The following SHANK2 variants were observed in gnomAD, a reference collection of about 807,000 sequenced individuals.
The protein encoded by SHANK2 is SH3 and multiple ankyrin repeat domains 2, also known as SH3 and multiple ankyrin repeat domains protein 2.
A neutral mutation model predicts 133.7 loss-of-function variants in SHANK2; 43 were observed. The ratio of observed to expected loss-of-function variants is 0.32; its 90% CI spans 0.25 to 0.41. SHANK2 has a LOEUF of 0.41. Ranked by LOEUF, SHANK2 falls within the 10% of genes least tolerant of loss-of-function variation. SHANK2 has a pLI of 1.00. For missense variants in SHANK2, 1,994 were observed against 2,235.8 expected, an observed-to-expected ratio of 0.89 and a Z score of 2.18; for synonymous variants, 1,017 against 952.8, an observed-to-expected ratio of 1.07 and a Z score of -1.24.
chr11:71,151,192 A>G (rs1437983333), intron 2 of SHANK2, among the ~76,000 whole-genome samples: 1 of 151,968 alleles, frequency 6.6e-6, no homozygotes, highest in Non-Finnish European at 1.5e-5. Context: ...AGAATTGTGG[A>G]CCCTGTGCTA....
intron 12 of SHANK2, among the ~76,000 whole-genome samples, chr11:70,819,488 C>A (rs1297607398): frequency 6.6e-6 from 1 of 152,214 alleles, no homozygotes; most frequent in African/African-American, 2.4e-5. Context: ...ACTGAAAATT[C>A]TGGGAGGTGG....
At chr11:71,221,765 G>A (rs554349164) in intron 2 of SHANK2, among the ~76,000 whole-genome samples, 1 of 152,270 alleles carries the variant, frequency 6.6e-6, no homozygotes, top group African/African-American at 2.4e-5. Context: ...AGCAGCAAGG[G>A]GAGGTGATCG....
intron 2 of SHANK2, among the ~76,000 whole-genome samples, chr11:71,182,952 G>T (rs373382406): frequency 5.9e-5 from 9 of 152,134 alleles, no homozygotes; most frequent in Admixed American, 3.3e-4. Context: ...AAACCAGCAC[G>T]AAAACCCTGA....
chr11:70,579,842 G>A (rs2060161495), intron 17 of SHANK2, among the ~76,000 whole-genome samples: 1 of 152,252 alleles, frequency 6.6e-6, no homozygotes, highest in South Asian at 2.1e-4. Flanking sequence ...GAGGAGCAGA[G>A]CTGGAGAGGT....
intron 14 of SHANK2, among the ~76,000 whole-genome samples, chr11:70,795,625 C>T (rs753066293): frequency 3.9e-5 from 6 of 152,082 alleles, no homozygotes; most frequent in Admixed American, 6.6e-5. Flanking sequence ...AGGCTGGTCT[C>T]GAACTCCTAA....
At chr11:71,081,866 G>T (rs1951305491) in intron 8 of SHANK2, among the ~76,000 whole-genome samples, 1 of 152,222 alleles carries the variant, frequency 6.6e-6, no homozygotes, top group Non-Finnish European at 1.5e-5. Context: ...CAGACCCTGA[G>T]CCCCAGGTCC....
chr11:70,610,763 C>T (rs1257804212), intron 17 of SHANK2, among the ~76,000 whole-genome samples: 2 of 152,214 alleles, frequency 1.3e-5, no homozygotes, highest in Admixed American at 6.5e-5. Flanking sequence ...AACCAGGCAC[C>T]CCTGCCGGCC....
rs191916330 is a variant in SHANK2 at position 70,937,882 on chromosome 11, A to G, written c.1108-41315T>C. On this transcript the variant is annotated intron_variant, in intron 10 of 25. Coordinates refer to ENST00000601538, the MANE Select transcript of SHANK2 (RefSeq NM_012309.5). ...CCTAGTGCAGGGTGTGTGACCTCTC[A>G]GAAGCCAGAGGGCCTTTGGGGCCTC... Among the ~76,000 whole-genome samples the G allele has an allele frequency of 2.1e-4, 32 of 152,266 alleles. No homozygotes were observed. In the East Asian group the frequency reaches 5.6e-3, roughly 27 times the overall value.
At chr11:70,714,851 G>C (rs1945873995) in intron 14 of SHANK2, among the ~76,000 whole-genome samples, 1 of 152,010 alleles carries the variant, frequency 6.6e-6, no homozygotes, top group South Asian at 2.1e-4. Context: ...TATTGCCCAG[G>C]CTGGAGTACA....
At chr11:71,223,394 C>T (rs1565525500) in intron 2 of SHANK2, among the ~76,000 whole-genome samples, 1 of 152,184 alleles carries the variant, frequency 6.6e-6, no homozygotes, top group Non-Finnish European at 1.5e-5. Context: ...CAACCATGCG[C>T]ACATTGGAAA....
chr11:71,057,459 G>T (rs1950934054), intron 9 of SHANK2, among the ~76,000 whole-genome samples: 1 of 152,192 alleles, frequency 6.6e-6, no homozygotes, highest in African/African-American at 2.4e-5. Context: ...GAAAAGCAGG[G>T]ACTATGTCTG....
intron 10 of SHANK2, among the ~76,000 whole-genome samples, chr11:70,921,308 T>G (rs1385327726): frequency 1.3e-5 from 2 of 152,226 alleles, no homozygotes; most frequent in South Asian, 4.1e-4. Context: ...GGTGAGCAGA[T>G]GTGCTAAAGC....
At chr11:70,712,032 C>A (rs182058145) in intron 14 of SHANK2, among the ~76,000 whole-genome samples, 1 of 152,122 alleles carries the variant, frequency 6.6e-6, no homozygotes, top group African/African-American at 2.4e-5. Context: ...GAAGTCTGAC[C>A]AGGTCTCTGG....
At chr11:70,533,277 A>G (rs1554973576) in intron 17 of SHANK2, among the ~76,000 whole-genome samples, 1 of 152,084 alleles carries the variant, frequency 6.6e-6, no homozygotes, top group African/African-American at 2.4e-5. Context: ...TTTTGTAGAG[A>G]TGGGGTCTTG....
intron 1 of SHANK2, among the ~76,000 whole-genome samples, chr11:71,245,466 T>G (rs943561378): frequency 2.0e-5 from 3 of 152,230 alleles, no homozygotes; most frequent in African/African-American, 4.8e-5. Flanking sequence ...TTCAAAATGC[T>G]AAGAGAGCAA....
intron 17 of SHANK2, among the ~76,000 whole-genome samples, chr11:70,556,349 G>A (rs2059829171): frequency 6.6e-6 from 1 of 152,050 alleles, no homozygotes; most frequent in Non-Finnish European, 1.5e-5. Context: ...AGCACTTAAC[G>A]TGCAGCCTGA....
chr11:70,895,655 C>G (rs138723561), intron 11 of SHANK2: 85 of 152,640 alleles, frequency 5.6e-4, no homozygotes, highest in African/African-American at 1.9e-3. Context: ...CACTGGCTCT[C>G]TCTCCACCCT....
At chr11:70,490,253 T>TG in intron 23 of SHANK2, 23 bp downstream of exon 23, 1 of 1,591,526 alleles carries the variant, frequency 6.3e-7, no homozygotes, top group Non-Finnish European at 8.6e-7. Flanking sequence ...GCAACTTCTG[T>TG]GGGGGAGTGC....
In SHANK2 at chr11:70,835,931, G is replaced by A. The variant is rs148022103; in HGVS notation, c.1175-15249C>T. Among the ~76,000 whole-genome samples, 515 of 152,210 alleles carry A rather than the reference G, an allele frequency of 3.4e-3. 1 individual carries two copies. Among genetic ancestry groups the A allele is most frequent in the African/African-American group, 0.012 (478 of 41,538 alleles). On this transcript the variant is annotated intron_variant, in intron 11 of 25. Coordinates refer to ENST00000601538, the MANE Select transcript of SHANK2 (RefSeq NM_012309.5). ...TCTCGGACCTCAGTGGAGGCTGGGGGAGTGGGCACCCCGAGCCCACTGCAC... is the reference window on the plus strand; with the variant it reads ...TCTCGGACCTCAGTGGAGGCTGGGGAAGTGGGCACCCCGAGCCCACTGCAC...
Sources: allele counts gnomAD v4.1 joint callset (sites outside exome capture counted in the v4.1 genomes callset), GRCh38; gene constraint gnomAD v4.1.1; transcripts MANE v1.5; gene names NCBI Gene and HGNC (gene_info 2026-07-23, HGNC 2026-07-21).